The following ATF6B variants were observed in gnomAD, a reference collection of about 807,000 sequenced individuals.
The protein encoded by ATF6B is cyclic AMP-dependent transcription factor ATF-6 beta.
A neutral mutation model predicts 83.5 loss-of-function variants in ATF6B; 50 were observed. The observed-to-expected ratio is 0.60, with a 90% CI of 0.48 to 0.76. The LOEUF is 0.76. Among genes scored for constraint, ATF6B ranks in the 30% least tolerant of loss-of-function variants. The pLI is 0.00. For missense variants in ATF6B, 790 were observed against 893.8 expected, an observed-to-expected ratio of 0.88 and a Z score of 1.48; for synonymous variants, 344 against 362.8, an observed-to-expected ratio of 0.95 and a Z score of 0.59.
chr6:32,127,608 G>A (rs1030692284), intron 2 of ATF6B, 63 bp downstream of exon 2: 50 of 1,611,386 alleles, frequency 3.1e-5, no homozygotes, highest in Non-Finnish European at 4.2e-5. Flanking sequence ...CCTGTGAATG[G>A]GTCCAGGTTC....
At chr6:32,121,823 C>T (rs1384280756) in intron 5 of ATF6B, among the ~76,000 whole-genome samples, 1 of 152,238 alleles carries the variant, frequency 6.6e-6, no homozygotes, top group Non-Finnish European at 1.5e-5. Flanking sequence ...AGCTGCTCAC[C>T]TGCTGGCTCT....
chr6:32,126,011 C>G (rs1781957088), intron 5 of ATF6B, 106 bp downstream of exon 5: 1 of 1,487,876 alleles, frequency 6.7e-7, no homozygotes, highest in African/African-American at 1.4e-5. Flanking sequence ...CCTTTTTCTC[C>G]CTGTCCTGCT....
At chr6:32,124,080 A>G (rs1329424182) in intron 5 of ATF6B, among the ~76,000 whole-genome samples, 1 of 152,104 alleles carries the variant, frequency 6.6e-6, no homozygotes, top group East Asian at 1.9e-4. Flanking sequence ...CATGCCTGTA[A>G]TCCCAGCTAC....
At chr6:32,127,804 C>T (rs1375817504) in intron 1 of ATF6B, 54 bp from the exon 2 acceptor site, 2 of 1,570,014 alleles carry the variant, frequency 1.3e-6, no homozygotes, top group African/African-American at 1.4e-5. Context: ...GCCTACAGAT[C>T]GCACACAAGC....
intron 5 of ATF6B, among the ~76,000 whole-genome samples, chr6:32,121,936 G>A (rs767437347): frequency 5.9e-5 from 9 of 152,010 alleles, no homozygotes; most frequent in Admixed American, 1.3e-4. Flanking sequence ...GCCCTTCTGC[G>A]TTTCCCTCTT....
chr6:32,127,654 G>A lies in ATF6B; in HGVS notation c.171+17C>T, dbSNP rs944721966. The A allele has an allele frequency of 1.9e-6, 3 of 1,614,060 alleles. No individual in the cohort carries two copies. The highest frequency in any genetic ancestry group is 1.7e-6 in the Non-Finnish European group (2 of 1,180,010). ...TTCCACCCACCAAGGGTTAGAGAAA[G>A]GCTGGGGACACAATACCGGGACATC... On this transcript the variant is annotated intron_variant, in intron 2 of 17. Coordinates refer to ENST00000375203, the MANE Select transcript of ATF6B (RefSeq NM_004381.5).
intron 5 of ATF6B, among the ~76,000 whole-genome samples, chr6:32,124,575 T>A (rs949331170): frequency 6.6e-6 from 1 of 152,152 alleles, no homozygotes. Context: ...GGCCCCCACC[T>A]ATCCACAGGA....
chr6:32,127,530 G>A lies in ATF6B; in HGVS notation c.172-10C>T, dbSNP rs749983219. 3 of 1,612,966 alleles carry A rather than the reference G, an allele frequency of 1.9e-6. No individual in the cohort carries two copies. The highest frequency in any genetic ancestry group is 2.2e-5 in the East Asian group (1 of 44,842). ...GGGAGCTGCCGTCAAACTAAATAAGGGAGGATACAAGAGGGCAGGAGTGTG... is the reference window on the plus strand; with the variant it reads ...GGGAGCTGCCGTCAAACTAAATAAGAGAGGATACAAGAGGGCAGGAGTGTG... On this transcript the variant is annotated splice_polypyrimidine_tract_variant and intron_variant, in intron 2 of 17. Transcript: ENST00000375203.
intron 5 of ATF6B, among the ~76,000 whole-genome samples, chr6:32,122,260 C>G (rs1176655203): frequency 6.6e-6 from 1 of 152,210 alleles, no homozygotes; most frequent in African/African-American, 2.4e-5. Flanking sequence ...AGGCACCAAA[C>G]AGCAAAGCCT....
At chr6:32,126,017 C>T in intron 5 of ATF6B, 100 bp downstream of exon 5, 1 of 1,495,934 alleles carries the variant, frequency 6.7e-7, no homozygotes, top group Non-Finnish European at 9.0e-7. Flanking sequence ...TCTCCCTGTC[C>T]TGCTGCCTGC....
Position 32,117,785 on chromosome 6 carries a change from C to A in ATF6B, c.1424+74G>T, listed in dbSNP as rs552451329. 1.9e-6 allele frequency: 3 copies of A among 1,572,874 alleles called. No homozygotes were observed. The highest frequency in any genetic ancestry group is 4.6e-5 in the East Asian group (2 of 43,706). On this transcript the variant is annotated intron_variant, in intron 12 of 17. Transcript: ENST00000375203. The surrounding 1 kb of genome is among the most constrained non-coding windows in gnomAD (Gnocchi z 5.0). Reference sequence around the variant, plus strand: ...ATGACGGCAAGAGAAAGCTTTGGGTCCCCCTCACTGAAAGCGGGGAGAAGA... The same window carrying A: ...ATGACGGCAAGAGAAAGCTTTGGGTACCCCTCACTGAAAGCGGGGAGAAGA...
At position 32,116,671 on chromosome 6, in the gene ATF6B, G is replaced by A; in HGVS notation, c.1797+33C>T. ...TGAAGACAGACTGCTGGGAACCTGGGGTGACAGAGATGGAAGGGCAGGAGA... is the reference window on the plus strand; with the variant it reads ...TGAAGACAGACTGCTGGGAACCTGGAGTGACAGAGATGGAAGGGCAGGAGA... On this transcript the variant is annotated intron_variant, in intron 16 of 17. Coordinates refer to ENST00000375203, the MANE Select transcript of ATF6B (RefSeq NM_004381.5). This position sits in a 1 kb window ranked among gnomAD's most constrained non-coding sequence, Gnocchi z 5.1. 1 of 1,609,856 alleles carries A rather than the reference G, an allele frequency of 6.2e-7. No individual in the cohort carries two copies. The highest frequency in any genetic ancestry group is 8.5e-7 in the Non-Finnish European group (1 of 1,176,180).
At position 32,117,424 on chromosome 6, in the gene ATF6B, C is replaced by CA; in HGVS notation, c.1533-21dup. 6.2e-7 allele frequency: 1 copy of CA among 1,612,958 alleles called. No homozygotes were observed. The highest frequency in any genetic ancestry group is 8.5e-7 in the Non-Finnish European group (1 of 1,179,312). On this transcript the variant is annotated intron_variant, in intron 13 of 17. Coordinates refer to ENST00000375203, the MANE Select transcript of ATF6B (RefSeq NM_004381.5). The surrounding 1 kb of genome is among the most constrained non-coding windows in gnomAD (Gnocchi z 5.0). ...GCAAGCCTGGGGAAATGGAGGAGCT[C>CA]AGGACCTCCATGCCAGGCCAAGATT... is the stretch of plus-strand genomic sequence containing the variant.
At position 32,116,527 on chromosome 6, in the gene ATF6B, G is replaced by A. The variant is rs1180219931; in HGVS notation, c.1835C>T (p.Thr612Ile). The A allele has an allele frequency of 1.9e-6, 3 of 1,604,748 alleles. No individual in the cohort carries two copies. The highest frequency in any genetic ancestry group is 2.6e-6 in the Non-Finnish European group (3 of 1,175,024). ...LLLPAISHNK[T>I]SRPKMSLVMP... ...CACCAGGGACATCTTGGGCCGGGAGGTCTTGTTGTGGCTGATGGCTGGGAG... is the reference window on the plus strand; with the variant it reads ...CACCAGGGACATCTTGGGCCGGGAGATCTTGTTGTGGCTGATGGCTGGGAG... Residue 612 changes from threonine (T) to isoleucine (I), a missense_variant, in exon 17 of 18, where the codon ACC becomes ATC. Transcript: ENST00000375203. The surrounding 1 kb of genome is among the most constrained non-coding windows in gnomAD (Gnocchi z 5.1).
chr6:32,126,135 T>G lies in ATF6B; in HGVS notation c.460A>C (p.Thr154Pro). Residue 154 changes from threonine (T) to proline (P), a missense_variant, in exon 5 of 18, where the codon ACC (threonine) becomes CCC (proline). Physicochemically the swap from Thr to Pro is conservative, Grantham distance 38. Coordinates refer to ENST00000375203, the MANE Select transcript of ATF6B (RefSeq NM_004381.5). ...TTATTACCTGAGGAATCATCAGAGG[T>G]GGGGATAACGTTGATCTGGACGGTT... ...FETVQINVIP[T>P]SDDSSDVQTK... 6.2e-7 allele frequency: 1 copy of G among 1,613,852 alleles called. No homozygotes were observed.
chr6:32,128,048 GC>G (rs1338672240), intron 1 of ATF6B, 68 bp downstream of exon 1: 11 of 1,574,010 alleles, frequency 7.0e-6, no homozygotes, highest in Non-Finnish European at 8.7e-7. Context: ...TCCTCTTTAG[GC>G]CCCCGCTTCT....
chr6:32,122,717 C>T, intron 5 of ATF6B, among the ~76,000 whole-genome samples: 1 of 151,750 alleles, frequency 6.6e-6, no homozygotes, highest in Non-Finnish European at 1.5e-5. Context: ...GGCGTGGTGG[C>T]GGACGCCTGT....
Position 32,115,859 on chromosome 6 carries a change from G to A in ATF6B, c.1992C>T (p.Pro664=). Residue 664 remains proline (P), a synonymous_variant, in exon 18 of 18, where the codon CCC becomes CCT. Transcript: ENST00000375203. ...TTGGGGATGGCTGTTTTCGGAGCGAGGGGGGCACTGTGGAGGTCTTGATGT... is the reference window on the plus strand; with the variant it reads ...TTGGGGATGGCTGTTTTCGGAGCGAAGGGGGCACTGTGGAGGTCTTGATGT... ...VIHIKTSTVP[P]SLRKQPSPTP... The A allele has an allele frequency of 6.2e-7, 1 of 1,614,080 alleles. No individual in the cohort carries two copies.
Position 32,121,227 on chromosome 6 carries a change from G to A in ATF6B, c.564+36C>T, listed in dbSNP as rs148302859. On this transcript the variant is annotated intron_variant, in intron 6 of 17. Transcript: ENST00000375203. ...ACCTCTAGGTCAGGAGGAACTCACT[G>A]GAAAACCTGGAGGAAGGAAGGAAGG... 5 of 1,612,020 alleles carry A rather than the reference G, an allele frequency of 3.1e-6. No individual in the cohort carries two copies. In the African/African-American group the frequency reaches 6.7e-5, roughly 21 times the overall value.
Sources: allele counts gnomAD v4.1 joint callset (sites outside exome capture counted in the v4.1 genomes callset), GRCh38; gene constraint gnomAD v4.1.1; non-coding constraint Gnocchi (gnomAD v3.1); transcripts MANE v1.5; gene names NCBI Gene and HGNC (gene_info 2026-07-23, HGNC 2026-07-21).